SOX5: variants seen among roughly 807,000 people sequenced by gnomAD.
SOX5 encodes SRY-box transcription factor 5.
Under a neutral mutation model 92.0 loss-of-function variants are expected in SOX5, and 9 were observed. The observed-to-expected ratio is 0.10, with a 90% CI of 0.06 to 0.17. The LOEUF is 0.17. Ranked by LOEUF, SOX5 falls within the 10% of genes least tolerant of loss-of-function variation. The probability of loss-of-function intolerance (pLI) is 1.00; values close to 1 mark genes in which losing one functional copy is unlikely to be tolerated. For missense variants in SOX5, 642 were observed against 944.5 expected (o/e 0.68, Z 4.20); for synonymous variants, 344 against 336.3 (o/e 1.02, Z -0.25).
At chr12:23,619,454 G>A (rs1034975023) in intron 8 of SOX5, among the ~76,000 whole-genome samples, 3 of 152,146 alleles carry the variant, frequency 2.0e-5, no homozygotes, top group African/African-American at 7.2e-5. Context: ...GCATAGGTAA[G>A]AGATCAAGCT....
At chr12:23,887,330 C>T (rs2097078791) in intron 2 of SOX5, among the ~76,000 whole-genome samples, 1 of 151,526 alleles carries the variant, frequency 6.6e-6, no homozygotes, top group Non-Finnish European at 1.5e-5. Context: ...TCTGATAGAG[C>T]CAAATTGAAA....
intron 4 of SOX5, among the ~76,000 whole-genome samples, chr12:23,992,226 T>C (rs1046591444): frequency 6.6e-6 from 1 of 152,138 alleles, no homozygotes; most frequent in African/African-American, 2.4e-5. Context: ...ACACCCTTAA[T>C]AGCATCTTTA....
intron 12 of SOX5, among the ~76,000 whole-genome samples, chr12:23,544,258 A>C (rs149463857): frequency 3.9e-5 from 6 of 152,330 alleles, no homozygotes; most frequent in Non-Finnish European, 7.3e-5. Context: ...CTCCAGCCTT[A>C]TGTGACCCCT....
rs1214291625 is a variant in SOX5, at chr12:23,530,878, C to CAGAT, written c.*3337_*3340dup. On this transcript the variant is annotated 3_prime_UTR_variant, in exon 15 of 15. Coordinates refer to ENST00000451604, the MANE Select transcript of SOX5 (RefSeq NM_006940.6). ...GAAAGGGAAAGAGATAAAGTGTGAA[C>CAGAT]AGATAGGTAAGAAAGCAGACAGGAA... is the stretch of plus-strand genomic sequence containing the variant. 2 of 141,818 alleles carry CAGAT rather than the reference C, an allele frequency of 1.4e-5. No homozygotes were observed. The highest frequency in any genetic ancestry group is 5.1e-5 in the African/African-American group (2 of 39,448). The allele number at this position is 141,818 out of a possible 1,614,324, so 8.8% of individuals were successfully genotyped here.
chr12:24,534,389 T>C (rs1285104182), intron 1 of SOX5, among the ~76,000 whole-genome samples: 1 of 152,010 alleles, frequency 6.6e-6, no homozygotes, highest in East Asian at 1.9e-4. Context: ...ACAAAATAAA[T>C]TATAGTCAAT....
chr12:24,296,186 A>T lies in SOX5; in HGVS notation c.-173-18874T>A, dbSNP rs73060343. On this transcript the variant is annotated intron_variant, in intron 2 of 4. Coordinates refer to the SOX5 transcript ENST00000446891. ...GGCACTTAGTTTCTGCATTAGCAGA[A>T]GTATCTCTTTATACGCTGGTTTTAT... Among the ~76,000 whole-genome samples the T allele has an allele frequency of 1.2e-3, 178 of 152,372 alleles. 1 individual carries two copies. The highest frequency in any genetic ancestry group is 2.9e-3 in the Admixed American group (45 of 15,304).
chr12:23,834,637 A>G (rs1265621489), intron 3 of SOX5, among the ~76,000 whole-genome samples: 2 of 151,928 alleles, frequency 1.3e-5, no homozygotes. Flanking sequence ...ACTTCCCTCA[A>G]AAGTAAGGAG....
chr12:24,244,714 TTTTC>T (rs1455105235), intron 3 of SOX5, among the ~76,000 whole-genome samples: 1 of 152,196 alleles, frequency 6.6e-6, no homozygotes, highest in African/African-American at 2.4e-5. Context: ...CAGTAATGTC[TTTTC>T]TTTTTCTCTT....
chr12:23,894,594 G>A (rs1261783592), intron 2 of SOX5, among the ~76,000 whole-genome samples: 2 of 152,068 alleles, frequency 1.3e-5, no homozygotes, highest in Non-Finnish European at 2.9e-5. Context: ...GACCTATGAG[G>A]CTGAAATGTT....
intron 4 of SOX5, among the ~76,000 whole-genome samples, chr12:24,192,426 T>C (rs543473458): frequency 6.6e-6 from 1 of 151,792 alleles, no homozygotes; most frequent in East Asian, 1.9e-4. Context: ...GTGTGTTTTC[T>C]GAACCAGATG....
chr12:24,144,347 G>A (rs1950867707), intron 4 of SOX5, among the ~76,000 whole-genome samples: 1 of 152,086 alleles, frequency 6.6e-6, no homozygotes, highest in Non-Finnish European at 1.5e-5. Context: ...TGAAAATAGG[G>A]ATCTGCAAAA....
At chr12:24,086,096 A>C (rs2137686103) in intron 4 of SOX5, among the ~76,000 whole-genome samples, 1 of 152,180 alleles carries the variant, frequency 6.6e-6, no homozygotes, top group East Asian at 1.9e-4. Context: ...AAGAGTATTC[A>C]AAATATTTTT....
intron 1 of SOX5, among the ~76,000 whole-genome samples, chr12:24,369,274 T>G (rs144381942): frequency 7.9e-4 from 121 of 152,308 alleles, no homozygotes; most frequent in Middle Eastern, 3.4e-3. Flanking sequence ...CTTTGGCCAC[T>G]GAACAGTCTA....
chr12:23,575,884 A>T, intron 9 of SOX5, 46 bp from the exon 10 acceptor site: 3 of 1,453,806 alleles, frequency 2.1e-6, no homozygotes, highest in Non-Finnish European at 2.8e-6. Context: ...AAAGGCTGAT[A>T]AAAAATGCCT....
At chr12:23,888,672 C>A (rs1162174151) in intron 2 of SOX5, among the ~76,000 whole-genome samples, 3 of 152,128 alleles carry the variant, frequency 2.0e-5, no homozygotes, top group African/African-American at 7.2e-5. Flanking sequence ...TTCCTGCTAG[C>A]CCTGGGGGTA....
chr12:24,543,929 T>C (rs533835343), intron 1 of SOX5, among the ~76,000 whole-genome samples: 5 of 152,328 alleles, frequency 3.3e-5, no homozygotes, highest in South Asian at 2.1e-4. Flanking sequence ...TTTAAGATTA[T>C]GTGATTAGGT....
chr12:24,298,066 T>G (rs1327220013), intron 2 of SOX5, among the ~76,000 whole-genome samples: 2 of 152,278 alleles, frequency 1.3e-5, no homozygotes, highest in African/African-American at 4.8e-5. Context: ...TCCCCAAAAG[T>G]GGCAGTTTAA....
At position 23,892,903 on chromosome 12, in the gene SOX5, C is replaced by A. The variant is rs74918056; in HGVS notation, c.270+2890G>T. ...AATTCGTTTTTAGGAGAACTATAGA[C>A]CCCAGTTAAGAAACTCTTGCTTTAG... On this transcript the variant is annotated intron_variant, in intron 2 of 14. Transcript: ENST00000451604. Among the ~76,000 whole-genome samples the A allele has an allele frequency of 4.2e-3, 639 of 152,198 alleles. 9 individuals carry two copies. Among genetic ancestry groups the A allele is most frequent in the East Asian group, 0.034 (175 of 5,168 alleles).
intron 9 of SOX5, among the ~76,000 whole-genome samples, chr12:23,600,550 T>TATATATATATATATAC (rs1555191125): frequency 7.9e-6 from 1 of 126,824 alleles, no homozygotes; most frequent in African/African-American, 3.0e-5. Flanking sequence ...TATATATATA[T>TATATATATATATATAC]ATACACATAC....
Sources: allele counts gnomAD v4.1 joint callset (sites outside exome capture counted in the v4.1 genomes callset), GRCh38; gene constraint gnomAD v4.1.1; transcripts MANE v1.5; gene names NCBI Gene and HGNC (gene_info 2026-07-23, HGNC 2026-07-21).